The following SLC24A3 variants were observed in gnomAD, a reference collection of about 807,000 sequenced individuals.
The protein encoded by SLC24A3 is sodium/potassium/calcium exchanger 3.
SLC24A3 carries 28 observed loss-of-function variants against 75.8 expected under a neutral mutation model. The ratio of observed to expected loss-of-function variants is 0.37; its 90% CI spans 0.27 to 0.51. The LOEUF (loss-of-function observed/expected upper bound fraction) is 0.51, where lower values mean the gene tolerates loss of function less well. SLC24A3 is among the 20% of genes least tolerant of loss of function. The probability of loss-of-function intolerance (pLI) is 0.94; values close to 1 mark genes in which losing one functional copy is unlikely to be tolerated. For missense variants in SLC24A3, 663 were observed against 847.8 expected (o/e 0.78, Z 2.71); for synonymous variants, 372 against 334.1 (o/e 1.11, Z -1.24).
intron 7 of SLC24A3, among the ~76,000 whole-genome samples, chr20:19,663,408 A>T (rs1018005178): frequency 2.6e-3 from 34 of 13,260 alleles, no homozygotes; most frequent in East Asian, 4.9e-3. Flanking sequence ...CTCCTCCTCC[A>T]CCTCCTCCTC....
At chr20:19,577,865 G>C (rs928726229) in intron 3 of SLC24A3, among the ~76,000 whole-genome samples, 1 of 152,110 alleles carries the variant, frequency 6.6e-6, no homozygotes, top group African/African-American at 2.4e-5. Flanking sequence ...GGTATATTTT[G>C]CTAGGTTTGA....
intron 3 of SLC24A3, among the ~76,000 whole-genome samples, chr20:19,553,410 G>A (rs2030733137): frequency 6.6e-6 from 1 of 152,144 alleles, no homozygotes; most frequent in African/African-American, 2.4e-5. Flanking sequence ...GACTTTCATG[G>A]TGAGTGGGAT....
chr20:19,607,660 G>A (rs1011492587), intron 6 of SLC24A3, among the ~76,000 whole-genome samples: 7 of 152,144 alleles, frequency 4.6e-5, no homozygotes, highest in African/African-American at 1.7e-4. Flanking sequence ...TTCTTCCACT[G>A]TAGCATTTCT....
At chr20:19,428,600 A>T (rs933962958) in intron 2 of SLC24A3, among the ~76,000 whole-genome samples, 1 of 152,250 alleles carries the variant, frequency 6.6e-6, no homozygotes, top group African/African-American at 2.4e-5. Context: ...GTAATTGCTC[A>T]TGTGAGTTCT....
At chr20:19,634,378 A>G (rs1172021415) in intron 6 of SLC24A3, among the ~76,000 whole-genome samples, 1 of 152,132 alleles carries the variant, frequency 6.6e-6, no homozygotes, top group East Asian at 1.9e-4. Context: ...TCTGCTGGGG[A>G]GACTCTAGTT....
chr20:19,440,673 T>A (rs1987282919), intron 2 of SLC24A3, among the ~76,000 whole-genome samples: 2 of 143,298 alleles, frequency 1.4e-5, no homozygotes, highest in African/African-American at 5.1e-5. Context: ...TTTTTAAGAA[T>A]GAATTTATTT....
chr20:19,279,749 C>G (rs1461587297), intron 1 of SLC24A3, among the ~76,000 whole-genome samples: 1 of 152,162 alleles, frequency 6.6e-6, no homozygotes, highest in East Asian at 1.9e-4. Flanking sequence ...TACTTTTCTG[C>G]CCGAGGTTCC....
rs778159684 is a variant in SLC24A3, at chr20:19,422,594, G to A, written c.272-92894G>A. 2.6e-4 allele frequency among the ~76,000 whole-genome samples: 40 copies of A among 152,160 alleles called. 1 individual carries two copies. The highest frequency in any genetic ancestry group is 2.6e-4 in the Admixed American group (4 of 15,280). ...CCTGGCTGCACATTAAGGTCACCTG[G>A]AGAACTTTAAAAAATACTGATGCCT... On this transcript the variant is annotated intron_variant, in intron 2 of 16. Coordinates refer to ENST00000328041, the MANE Select transcript of SLC24A3 (RefSeq NM_020689.4).
At chr20:19,270,133 C>T (rs982125363) in intron 1 of SLC24A3, among the ~76,000 whole-genome samples, 1 of 152,170 alleles carries the variant, frequency 6.6e-6, no homozygotes, top group African/African-American at 2.4e-5. Flanking sequence ...TGAAACACAG[C>T]CCAGTTGGGG....
intron 1 of SLC24A3, among the ~76,000 whole-genome samples, chr20:19,230,025 A>C (rs988840854): frequency 1.9e-4 from 29 of 151,458 alleles, no homozygotes; most frequent in Admixed American, 1.4e-3. Flanking sequence ...GATTAAAAAA[A>C]ATGGATTCCA....
At chr20:19,324,411 T>C (rs1453352977) in intron 2 of SLC24A3, among the ~76,000 whole-genome samples, 3 of 152,258 alleles carry the variant, frequency 2.0e-5, no homozygotes, top group South Asian at 2.1e-4. Context: ...TTATACATCC[T>C]GTGGCATTTA....
At chr20:19,687,973 C>T (rs893052522) in intron 12 of SLC24A3, among the ~76,000 whole-genome samples, 2 of 152,146 alleles carry the variant, frequency 1.3e-5, no homozygotes, top group African/African-American at 4.8e-5. Context: ...GGCTCAGGAA[C>T]CCCACATCCC....
At chr20:19,456,368 C>T (rs1987577672) in intron 2 of SLC24A3, among the ~76,000 whole-genome samples, 1 of 152,066 alleles carries the variant, frequency 6.6e-6, no homozygotes, top group South Asian at 2.1e-4. Flanking sequence ...CCATACTGTT[C>T]TCGTGGTAGT....
chr20:19,341,493 C>T (rs1985272539), intron 2 of SLC24A3, among the ~76,000 whole-genome samples: 1 of 152,178 alleles, frequency 6.6e-6, no homozygotes, highest in Non-Finnish European at 1.5e-5. Context: ...CTGTTGTTTT[C>T]ACTTAAAGCC....
At chr20:19,348,583 T>C (rs1483321801) in intron 2 of SLC24A3, among the ~76,000 whole-genome samples, 1 of 152,142 alleles carries the variant, frequency 6.6e-6, no homozygotes, top group Non-Finnish European at 1.5e-5. Flanking sequence ...CCCCAATGCC[T>C]AATAACATCC....
At chr20:19,445,436 C>G (rs1437797958) in intron 2 of SLC24A3, among the ~76,000 whole-genome samples, 1 of 152,192 alleles carries the variant, frequency 6.6e-6, no homozygotes, top group Non-Finnish European at 1.5e-5. Flanking sequence ...TTTGAAGTTT[C>G]TTAGAAGCAG....
At chr20:19,295,385 A>G (rs1984034661) in intron 2 of SLC24A3, among the ~76,000 whole-genome samples, 1 of 152,104 alleles carries the variant, frequency 6.6e-6, no homozygotes, top group Non-Finnish European at 1.5e-5. Context: ...AACTTCCACT[A>G]CTATGTTGAA....
At chr20:19,298,062 G>A (rs149482122) in intron 2 of SLC24A3, among the ~76,000 whole-genome samples, 15 of 152,354 alleles carry the variant, frequency 9.8e-5, no homozygotes, top group Middle Eastern at 3.4e-3. Flanking sequence ...CTGATTTGCC[G>A]AGTAAACAGC....
At chr20:19,485,455 G>A (rs6112408) in intron 2 of SLC24A3, among the ~76,000 whole-genome samples, 2,237 of 152,256 alleles carry the variant, frequency 0.015, 21 homozygotes, top group Middle Eastern at 0.034. Flanking sequence ...ATGCCTAAGT[G>A]CACCATTCTC....
Sources: gnomAD v4.1 joint callset for allele counts (sites outside exome capture counted in the v4.1 genomes callset) on GRCh38, gnomAD v4.1.1 for gene constraint, MANE v1.5 for transcripts, NCBI Gene and HGNC (gene_info 2026-07-23, HGNC 2026-07-21) for gene names.